TEK: variants seen among roughly 807,000 people sequenced by gnomAD.
TEK encodes angiopoietin-1 receptor.
In TEK, 43 loss-of-function variants were observed where a neutral mutation model predicts 131.8. The ratio of observed to expected loss-of-function variants is 0.33; its 90% CI spans 0.26 to 0.42. TEK has a LOEUF of 0.42. TEK is among the 10% of genes least tolerant of loss of function. TEK has a pLI of 1.00. For synonymous variants in TEK, 580 were observed against 491.6 expected (o/e 1.18, Z -2.38); for missense variants, 1,162 against 1,384.4 (o/e 0.84, Z 2.55).
Position 27,183,560 on chromosome 9 carries a change from C to T in TEK, c.1132C>T (p.Pro378Ser). 6.2e-7 allele frequency: 1 copy of T among 1,613,896 alleles called. No homozygotes were observed. The highest frequency in any genetic ancestry group is 8.5e-7 in the Non-Finnish European group (1 of 1,179,842). Residue 378 changes from proline (P) to serine (S), a missense_variant, in exon 8 of 23, where the codon CCT (proline) becomes TCT (serine). This residue lies in a region of TEK where 436 missense variants were observed against 539.1 expected (regional missense o/e 0.81). Coordinates refer to ENST00000380036, the MANE Select transcript of TEK (RefSeq NM_000459.5). ...PICKASGWPLPTNEEMTLVKP... is the reference protein window; with the variant it reads ...PICKASGWPLSTNEEMTLVKP... Reference sequence around the variant, plus strand: ...TTGCAAAGCTTCTGGCTGGCCGCTACCTACTAATGAAGAAATGACCCTGGT... The same window carrying T: ...TTGCAAAGCTTCTGGCTGGCCGCTATCTACTAATGAAGAAATGACCCTGGT...
chr9:27,163,806 T>C (rs142499242), intron 2 of TEK, among the ~76,000 whole-genome samples: 52 of 152,334 alleles, frequency 3.4e-4, no homozygotes, highest in African/African-American at 1.2e-3. Flanking sequence ...AACTACATTA[T>C]TTCCTGTAGT....
At chr9:27,193,726 C>T (rs1451685663) in intron 11 of TEK, among the ~76,000 whole-genome samples, 1 of 152,078 alleles carries the variant, frequency 6.6e-6, no homozygotes, top group Non-Finnish European at 1.5e-5. Context: ...TATCATCTTC[C>T]CTATTTTACA....
intron 13 of TEK, among the ~76,000 whole-genome samples, chr9:27,204,614 G>A (rs569028886): frequency 6.6e-6 from 1 of 151,628 alleles, no homozygotes; most frequent in Non-Finnish European, 1.5e-5. Flanking sequence ...CATTTGCTTG[G>A]GATTCTACTT....
At chr9:27,210,651 G>A (rs977760566) in intron 16 of TEK, 3 of 152,350 alleles carry the variant, frequency 2.0e-5, no homozygotes, top group Non-Finnish European at 4.4e-5. Context: ...TTTATTCTGA[G>A]GACAATAAAA....
At chr9:27,171,953 T>C (rs1225388052) in intron 4 of TEK, among the ~76,000 whole-genome samples, 1 of 152,130 alleles carries the variant, frequency 6.6e-6, no homozygotes, top group Non-Finnish European at 1.5e-5. Flanking sequence ...ACTCAGAGGG[T>C]AAATGGGGTA....
At chr9:27,173,079 A>C in intron 5 of TEK, 143 bp from the exon 6 acceptor site, 1 of 1,056,870 alleles carries the variant, frequency 9.5e-7, no homozygotes. Context: ...ATGGGCCATA[A>C]GGGTATGTTC....
intron 13 of TEK, among the ~76,000 whole-genome samples, chr9:27,204,554 C>T (rs1385147610): frequency 2.0e-5 from 3 of 152,164 alleles, no homozygotes; most frequent in Admixed American, 6.5e-5. Context: ...GGTTTAGTCA[C>T]TCTCTCAAAG....
intron 21 of TEK, among the ~76,000 whole-genome samples, chr9:27,222,987 A>G (rs1185473845): frequency 6.6e-6 from 1 of 152,218 alleles, no homozygotes; most frequent in East Asian, 1.9e-4. Flanking sequence ...GTCTCTGATA[A>G]AACAGACTAA....
intron 1 of TEK, among the ~76,000 whole-genome samples, chr9:27,139,486 A>G (rs7467336): frequency 0.39 from 58,180 of 150,026 alleles, 12,108 homozygotes; most frequent in African/African-American, 0.49. Context: ...CACCATGCCC[A>G]GCTAATTTTT....
At chr9:27,192,379 G>A in intron 10 of TEK, 110 bp from the exon 11 acceptor site, 1 of 1,241,916 alleles carries the variant, frequency 8.1e-7, no homozygotes, top group Non-Finnish European at 1.2e-6. Flanking sequence ...GTTTCACTAA[G>A]ACGTAGTTTT....
chr9:27,109,276 T>G lies in TEK; in HGVS notation c.-315T>G. The G allele has an allele frequency of 1.9e-6, 1 of 528,500 alleles. No homozygotes were observed. Among genetic ancestry groups the G allele is most frequent in the South Asian group, 3.3e-5 (1 of 30,714 alleles). 32.7% of individuals were successfully genotyped at this position (528,500 alleles called of 1,614,324 possible). On this transcript the variant is annotated 5_prime_UTR_variant, in exon 1 of 23. Transcript: ENST00000380036. The stretch of plus-strand genomic sequence containing the variant: ...CAGCAGCAGAAGCAACAGCAACAGA[T>G]AAGTGTTTTGATGAATTGCGAGATG...
chr9:27,209,062 A>C, intron 15 of TEK, 59 bp from the exon 16 acceptor site: 2 of 1,192,860 alleles, frequency 1.7e-6, no homozygotes, highest in Non-Finnish European at 2.5e-6. Context: ...GCAGGACGGG[A>C]CAGCTGATTC....
chr9:27,214,220 A>G (rs759178299), intron 18 of TEK, among the ~76,000 whole-genome samples: 2 of 152,280 alleles, frequency 1.3e-5, no homozygotes, highest in Non-Finnish European at 2.9e-5. Flanking sequence ...TGCCCAGTCT[A>G]GAATCACATA....
chr9:27,172,821 C>T (rs41314580), intron 5 of TEK, 74 bp downstream of exon 5: 43 of 1,583,806 alleles, frequency 2.7e-5, no homozygotes, highest in East Asian at 9.1e-5. Context: ...TTTTAGATCT[C>T]GACACAGATG....
intron 1 of TEK, among the ~76,000 whole-genome samples, chr9:27,116,904 C>T (rs1019412806): frequency 6.7e-6 from 1 of 149,898 alleles, no homozygotes; most frequent in Non-Finnish European, 1.5e-5. Context: ...CTCAGTCCCC[C>T]AGGCTGGAGT....
At chr9:27,112,313 G>T (rs615375) in intron 1 of TEK, among the ~76,000 whole-genome samples, 100,188 of 152,076 alleles carry the variant, frequency 0.66, 34,260 homozygotes, top group Middle Eastern at 0.79. Flanking sequence ...AAACCCCCTT[G>T]TTAGGGCTGG....
At chr9:27,155,144 C>A (rs1457735538) in intron 1 of TEK, among the ~76,000 whole-genome samples, 1 of 152,040 alleles carries the variant, frequency 6.6e-6, no homozygotes, top group Non-Finnish European at 1.5e-5. Context: ...CTGGAACATG[C>A]CTGGAATGTG....
intron 18 of TEK, among the ~76,000 whole-genome samples, chr9:27,216,664 A>C (rs1587035484): frequency 6.6e-6 from 1 of 152,214 alleles, no homozygotes; most frequent in African/African-American, 2.4e-5. Context: ...TATGCATCAG[A>C]ATATTGCCAC....
intron 16 of TEK, among the ~76,000 whole-genome samples, chr9:27,211,278 AATACATATTTAAATT>A (rs1193707538): frequency 1.4e-5 from 2 of 143,644 alleles, no homozygotes; most frequent in African/African-American, 5.0e-5. Context: ...TTTATTAATA[AATACATATTTAAATT>A]ATTTTAAAAT....
Sources: gnomAD v4.1 joint callset for allele counts (sites outside exome capture counted in the v4.1 genomes callset) on GRCh38, gnomAD v4.1.1 for gene constraint, gnomAD v4.1.1 regional missense constraint, MANE v1.5 for transcripts, NCBI Gene and HGNC (gene_info 2026-07-23, HGNC 2026-07-21) for gene names.